RHBDD1: variants seen among roughly 807,000 people sequenced by gnomAD.
RHBDD1 encodes rhomboid-related protein 4.
A neutral mutation model predicts 36.3 loss-of-function variants in RHBDD1; 38 were observed. That is an observed-to-expected ratio of 1.05 (90% CI 0.81 to 1.37). The LOEUF (loss-of-function observed/expected upper bound fraction) is 1.37, where lower values mean the gene tolerates loss of function less well. RHBDD1 is among the 40% of genes most tolerant of loss of function. The pLI, the probability that RHBDD1 is intolerant of heterozygous loss-of-function variation, is 0.00. For missense variants in RHBDD1, 393 were observed against 377.6 expected, an observed-to-expected ratio of 1.04 and a Z score of -0.34; for synonymous variants, 151 against 136.5, an observed-to-expected ratio of 1.11 and a Z score of -0.74.
chr2:226,986,782 A>C, intron 8 of RHBDD1, among the ~76,000 whole-genome samples: 1 of 152,244 alleles, frequency 6.6e-6, no homozygotes, highest in Non-Finnish European at 1.5e-5. Context: ...CGATTCCTCA[A>C]GGATCTAGAA....
chr2:226,880,510 T>G (rs565937439), intron 5 of RHBDD1, among the ~76,000 whole-genome samples: 5 of 152,330 alleles, frequency 3.3e-5, no homozygotes, highest in African/African-American at 1.2e-4. Flanking sequence ...GGAGAAATTT[T>G]GAGCCAAGGG....
chr2:226,964,630 A>G (rs1353558525), intron 8 of RHBDD1, among the ~76,000 whole-genome samples: 1 of 152,226 alleles, frequency 6.6e-6, no homozygotes, highest in African/African-American at 2.4e-5. Flanking sequence ...AAATAAACAT[A>G]TTCAAGGACA....
chr2:226,822,033 C>G, the RHBDD1 span, among the ~76,000 whole-genome samples: 1 of 152,272 alleles, frequency 6.6e-6, no homozygotes, highest in African/African-American at 2.4e-5. Flanking sequence ...AGTGGTAGAG[C>G]TGAAAATCAT....
intron 8 of RHBDD1, among the ~76,000 whole-genome samples, chr2:226,943,660 T>TA (rs1553577345): frequency 6.6e-6 from 1 of 151,874 alleles, no homozygotes; most frequent in Non-Finnish European, 1.5e-5. Context: ...GCCCTTCTTT[T>TA]GCACACTGTG....
intron 8 of RHBDD1, chr2:226,988,595 G>C: frequency 7.3e-7 from 1 of 1,361,156 alleles, no homozygotes; most frequent in African/African-American, 1.5e-5. Flanking sequence ...AGAAGAGGCC[G>C]GGGGCTCCAG....
chr2:226,931,423 A>AAGT (rs1306124119), intron 8 of RHBDD1, among the ~76,000 whole-genome samples: 1 of 152,094 alleles, frequency 6.6e-6, no homozygotes, highest in African/African-American at 2.4e-5. Context: ...TCTCACTTAT[A>AAGT]AGTGGGAGCT....
chr2:226,911,955 T>C (rs1331623192), intron 7 of RHBDD1, among the ~76,000 whole-genome samples: 3 of 152,212 alleles, frequency 2.0e-5, no homozygotes, highest in Non-Finnish European at 2.9e-5. Context: ...ACCATTTTAT[T>C]TAATGTTTAT....
intron 5 of RHBDD1, among the ~76,000 whole-genome samples, chr2:226,890,706 A>C (rs1946608593): frequency 6.6e-6 from 1 of 152,204 alleles, no homozygotes; most frequent in African/African-American, 2.4e-5. Context: ...AAATGCTTGG[A>C]TGAATGATAC....
chr2:226,919,019 A>G (rs1041382186), intron 8 of RHBDD1, among the ~76,000 whole-genome samples: 4 of 152,126 alleles, frequency 2.6e-5, no homozygotes, highest in Non-Finnish European at 5.9e-5. Context: ...AACTGGAGTG[A>G]AATGATGTTT....
At chr2:226,868,264 T>C (rs980858200) in intron 5 of RHBDD1, among the ~76,000 whole-genome samples, 3 of 152,160 alleles carry the variant, frequency 2.0e-5, no homozygotes, top group Admixed American at 6.5e-5. Context: ...ATGAATTTTT[T>C]CCCTTACAGA....
At chr2:226,861,360 G>C (rs1943835996) in intron 3 of RHBDD1, among the ~76,000 whole-genome samples, 1 of 152,180 alleles carries the variant, frequency 6.6e-6, no homozygotes, top group Non-Finnish European at 1.5e-5. Flanking sequence ...GGAGAGCTGG[G>C]AGGTGCGAAG....
At chr2:226,929,075 C>T (rs1421359738) in intron 8 of RHBDD1, among the ~76,000 whole-genome samples, 3 of 151,914 alleles carry the variant, frequency 2.0e-5, no homozygotes, top group African/African-American at 7.2e-5. Context: ...ACCAGACATT[C>T]AAAGAATTGG....
At chr2:226,977,466 G>A (rs897223375) in intron 8 of RHBDD1, among the ~76,000 whole-genome samples, 1 of 152,062 alleles carries the variant, frequency 6.6e-6, no homozygotes, top group Non-Finnish European at 1.5e-5. Context: ...CTTAGATGTC[G>A]GTATTTTGTG....
At chr2:226,806,671 C>G in the RHBDD1 span, among the ~76,000 whole-genome samples, 1 of 152,126 alleles carries the variant, frequency 6.6e-6, no homozygotes, top group Non-Finnish European at 1.5e-5. Flanking sequence ...CGAAATACAA[C>G]TTACCCTTAC....
At chr2:226,857,303 A>T (rs1943426730) in intron 3 of RHBDD1, among the ~76,000 whole-genome samples, 1 of 152,142 alleles carries the variant, frequency 6.6e-6, no homozygotes, top group Non-Finnish European at 1.5e-5. Context: ...ATTGTTGAGG[A>T]TGTGGTGAAA....
chr2:226,975,622 C>T (rs139858664), intron 8 of RHBDD1, among the ~76,000 whole-genome samples: 125 of 152,182 alleles, frequency 8.2e-4, no homozygotes, highest in African/African-American at 2.8e-3. Flanking sequence ...TTAAAGATGG[C>T]GTCAAACTAT....
chr2:226,837,063 T>C (rs1448534790), intron 1 of RHBDD1, among the ~76,000 whole-genome samples: 1 of 152,216 alleles, frequency 6.6e-6, no homozygotes, highest in East Asian at 1.9e-4. Flanking sequence ...TTGATACCAA[T>C]GCACCTGGAC....
chr2:226,829,560 TTC>T, the RHBDD1 span, among the ~76,000 whole-genome samples: 21 of 152,220 alleles, frequency 1.4e-4, no homozygotes, highest in African/African-American at 4.6e-4. Context: ...AGCCTTACAC[TTC>T]TTTTATTAAT....
At chr2:226,810,154 T>C in the RHBDD1 span, among the ~76,000 whole-genome samples, 1 of 152,202 alleles carries the variant, frequency 6.6e-6, no homozygotes, top group Admixed American at 6.5e-5. Context: ...TAGCCTACCA[T>C]TGACCAGAAA....
Sources: allele counts gnomAD v4.1 joint callset (sites outside exome capture counted in the v4.1 genomes callset), GRCh38; gene constraint gnomAD v4.1.1; transcripts MANE v1.5; gene names NCBI Gene and HGNC (gene_info 2026-07-23, HGNC 2026-07-21).